The following NBPF12 variants were observed in gnomAD, a reference collection of about 807,000 sequenced individuals.
NBPF12 encodes the protein NBPF member 12.
In NBPF12, 115 loss-of-function variants were observed where a neutral mutation model predicts 146.4. The ratio of observed to expected loss-of-function variants is 0.79; its 90% CI spans 0.68 to 0.92. The LOEUF is 0.92. Among genes scored for constraint, NBPF12 ranks in the 40% least tolerant of loss-of-function variants. The probability of loss-of-function intolerance (pLI) is 0.00; values close to 1 mark genes in which losing one functional copy is unlikely to be tolerated. For synonymous variants in NBPF12, 385 were observed against 508.9 expected, an observed-to-expected ratio of 0.76 and a Z score of 3.28; for missense variants, 1,205 against 1,326.8, an observed-to-expected ratio of 0.91 and a Z score of 1.43.
exon 5 of NBPF12, chr1:146,962,254 A>T: frequency 6.2e-7 from 1 of 1,604,600 alleles, no homozygotes. Flanking sequence ...AAACAAGCTG[A>T]GGAGCTCAGG....
intron 31 of NBPF12, among the ~76,000 whole-genome samples, chr1:146,992,378 CAG>C (rs1342836146): frequency 1.4e-5 from 2 of 139,876 alleles, no homozygotes; most frequent in Admixed American, 7.5e-5. Context: ...GGCACTAACT[CAG>C]AGTGTCCTGT....
Position 146,976,569 on chromosome 1 carries a change from T to G in NBPF12, c.2120-360T>G, listed in dbSNP as rs1553887365. On this transcript the variant is annotated intron_variant, in intron 16 of 33. Coordinates refer to ENST00000617844, the Ensembl canonical transcript of NBPF12. ...CAAGTTTGCTTCTAAGAGAAAGAAT[T>G]AGGTTTGAAATGCAAACTGTGACAG... Among the ~76,000 whole-genome samples, 1,172 of 143,634 alleles carry G rather than the reference T, an allele frequency of 8.2e-3. 10 individuals are homozygous for G. Among genetic ancestry groups the G allele is most frequent in the Admixed American group, 0.013 (181 of 14,314 alleles). The allele number at this position is 143,634 out of a possible 152,430, so 94.2% of individuals were successfully genotyped here. A position where few individuals can be genotyped will look rare whatever the true frequency, so the allele number is the denominator to read the frequency against.
rs1243065447 is a variant in NBPF12 at position 146,974,228 on chromosome 1, C to T, written c.1802-511C>T. Among the ~76,000 whole-genome samples, 8 of 146,984 alleles carry T rather than the reference C, an allele frequency of 5.4e-5. No homozygotes were observed. The Admixed American group carries it at 5.5e-4, about 10-fold the overall frequency. On this transcript the variant is annotated intron_variant, in intron 14 of 33. Coordinates refer to ENST00000617844, the Ensembl canonical transcript of NBPF12. ...ATGGTGTTATGTGTCACACTTTATG[C>T]TTCAGATATGATTCTTAAAATCATA... is the stretch of plus-strand genomic sequence containing the variant.
chr1:146,982,965 G>A lies in NBPF12; in HGVS notation c.2488G>A (p.Glu830Lys), dbSNP rs1314143994. ...GTCTGAAGAGGAGGAAGTCCCCCAG[G>A]AGTCCTGGGATGAAGGTTATTCGAC... Residue 830 changes from glutamate to lysine, a missense_variant, in exon 20 of 34, where the codon GAG becomes AAG. Glu to Lys is a moderately conservative substitution (Grantham distance 56). Transcript: ENST00000617844. 17 of 1,609,074 alleles carry A rather than the reference G, an allele frequency of 1.1e-5. No homozygotes were observed. The South Asian group carries it at 1.4e-4, about 14-fold the overall frequency.
At chr1:146,952,631 G>T (rs1553884001) in intron 2 of NBPF12, among the ~76,000 whole-genome samples, 20,929 of 147,990 alleles carry the variant, frequency 0.14, 1,800 homozygotes, top group Admixed American at 0.26. Flanking sequence ...TTCTCCTTTT[G>T]TTTCCCCATA....
chr1:146,945,670 A>C (rs1274171267), upstream of NBPF12, among the ~76,000 whole-genome samples: 1 of 151,422 alleles, frequency 6.6e-6, no homozygotes, highest in African/African-American at 2.4e-5. Flanking sequence ...TTTACAGAAA[A>C]ATGGAGTAGA....
chr1:146,962,972 C>T, intron 5 of NBPF12, 123 bp from the exon 9 acceptor site: 2 of 670,378 alleles, frequency 3.0e-6, no homozygotes, highest in East Asian at 2.7e-5. Context: ...TTCCTTTCAA[C>T]ATGTGCTGAC....
intron 15 of NBPF12, 140 bp from the exon 19 acceptor site, chr1:146,975,537 A>G: frequency 1.7e-6 from 1 of 596,640 alleles, no homozygotes; most frequent in South Asian, 2.0e-5. Flanking sequence ...TCTCTTGGCC[A>G]CAGACATTCC....
At chr1:146,983,405 C>A in intron 20 of NBPF12, 1 of 554,542 alleles carries the variant, frequency 1.8e-6, no homozygotes, top group Non-Finnish European at 3.1e-6. Flanking sequence ...AGTTGTCTGT[C>A]AGATCAGCTC....
intron 17 of NBPF12, among the ~76,000 whole-genome samples, chr1:146,977,258 G>C (rs1330885606): frequency 6.9e-6 from 1 of 145,408 alleles, no homozygotes; most frequent in African/African-American, 2.6e-5. Context: ...GCAATGAACA[G>C]CAGCTGCTCT....
intron 13 of NBPF12, among the ~76,000 whole-genome samples, chr1:146,971,715 A>G (rs1389855212): frequency 6.7e-6 from 1 of 150,164 alleles, no homozygotes; most frequent in African/African-American, 2.5e-5. Context: ...GGCTAACACG[A>G]TCCTCCCACT....
chr1:146,946,869 C>A (rs1655100400), upstream of NBPF12, among the ~76,000 whole-genome samples: 1 of 151,774 alleles, frequency 6.6e-6, no homozygotes, highest in South Asian at 2.1e-4. Flanking sequence ...ACATGCATAC[C>A]TGGATTTATT....
intron 5 of NBPF12, among the ~76,000 whole-genome samples, chr1:146,962,638 C>A (rs1410701720): frequency 3.3e-5 from 5 of 151,148 alleles, no homozygotes; most frequent in Non-Finnish European, 5.9e-5. Flanking sequence ...CATTCTTTCA[C>A]TCAATCAATG....
At chr1:146,987,561 A>G (rs1657853074) in intron 25 of NBPF12, among the ~76,000 whole-genome samples, 1 of 152,028 alleles carries the variant, frequency 6.6e-6, no homozygotes, top group Admixed American at 6.5e-5. Context: ...ATGGAAAATT[A>G]TTGAGCACAG....
chr1:146,971,275 C>T (rs1656594290), exon 13 of NBPF12: 3 of 1,612,356 alleles, frequency 1.9e-6, no homozygotes. Flanking sequence ...CCTTGTGACT[C>T]CAACCAGCCT....
intron 5 of NBPF12, 124 bp downstream of exon 8, chr1:146,962,387 C>G: frequency 1.3e-6 from 1 of 763,458 alleles, no homozygotes; most frequent in Admixed American, 1.9e-5. Context: ...CCATGGCAGG[C>G]TCATGACACA....
At chr1:146,973,020 G>A in intron 14 of NBPF12, 60 bp downstream of exon 17, 1 of 806,012 alleles carries the variant, frequency 1.2e-6, no homozygotes, top group Admixed American at 1.7e-5. Flanking sequence ...TTCTCTCTGA[G>A]AAACTAAGTG....
chr1:146,965,935 C>T (rs1170670622), intron 8 of NBPF12, among the ~76,000 whole-genome samples: 2 of 151,188 alleles, frequency 1.3e-5, no homozygotes, highest in African/African-American at 2.4e-5. Flanking sequence ...TGGCGAAACC[C>T]CATCTCTACT....
At chr1:146,961,123 G>T (rs1375014710) in intron 4 of NBPF12, among the ~76,000 whole-genome samples, 2 of 152,062 alleles carry the variant, frequency 1.3e-5, no homozygotes, top group Non-Finnish European at 2.9e-5. Flanking sequence ...TCCAGCATGG[G>T]TGACAGGGCA....
Sources: gnomAD v4.1 joint callset for allele counts (sites outside exome capture counted in the v4.1 genomes callset) on GRCh38, gnomAD v4.1.1 for gene constraint, MANE v1.5 for transcripts, NCBI Gene and HGNC (gene_info 2026-07-23, HGNC 2026-07-21) for gene names.